TTC28: variants seen among roughly 807,000 people sequenced by gnomAD.
TTC28 encodes tetratricopeptide repeat protein 28.
TTC28 carries 61 observed loss-of-function variants against 198.0 expected under a neutral mutation model. The ratio of observed to expected loss-of-function variants is 0.31; its 90% CI spans 0.25 to 0.38. The LOEUF (loss-of-function observed/expected upper bound fraction) is 0.38. Among genes scored for constraint, TTC28 ranks in the 10% least tolerant of loss-of-function variants. TTC28 has a pLI of 1.00. For missense variants in TTC28, 2,678 were observed against 3,164.0 expected (o/e 0.85, Z 3.69); for synonymous variants, 1,171 against 1,297.8 (o/e 0.90, Z 2.10).
chr22:28,672,893 T>C (rs1245447865), intron 1 of TTC28, among the ~76,000 whole-genome samples: 1 of 152,236 alleles, frequency 6.6e-6, no homozygotes, highest in African/African-American at 2.4e-5. Context: ...ACATACCTTA[T>C]TTTACAAGAT....
At chr22:28,338,213 G>C (rs1218114614) in intron 2 of TTC28, among the ~76,000 whole-genome samples, 2 of 152,204 alleles carry the variant, frequency 1.3e-5, no homozygotes, top group Non-Finnish European at 2.9e-5. Context: ...GAGATCAGCT[G>C]TTAGTCTGAT....
intron 2 of TTC28, among the ~76,000 whole-genome samples, chr22:28,549,137 C>G (rs1455068280): frequency 6.6e-6 from 1 of 152,056 alleles, no homozygotes; most frequent in African/African-American, 2.4e-5. Context: ...AAGAAATTAT[C>G]CTGCCCCAGC....
chr22:28,170,906 G>A (rs1922608782), intron 5 of TTC28, among the ~76,000 whole-genome samples: 1 of 151,184 alleles, frequency 6.6e-6, no homozygotes, highest in African/African-American at 2.4e-5. Flanking sequence ...CTGCCTAGAA[G>A]CGCTTCTAAC....
intron 2 of TTC28, among the ~76,000 whole-genome samples, chr22:28,307,687 CAT>C (rs1487253608): frequency 1.3e-5 from 2 of 152,148 alleles, no homozygotes; most frequent in East Asian, 1.9e-4. Context: ...ATACAAATAA[CAT>C]ATAATTAACA....
chr22:28,178,221 G>A (rs956657682), intron 5 of TTC28, among the ~76,000 whole-genome samples: 2 of 151,670 alleles, frequency 1.3e-5, no homozygotes, highest in Admixed American at 6.6e-5. Context: ...TTGGGAGGCC[G>A]TGGTGGACAG....
At chr22:28,672,287 C>G (rs1242449674) in intron 1 of TTC28, among the ~76,000 whole-genome samples, 3 of 152,052 alleles carry the variant, frequency 2.0e-5, no homozygotes, top group Non-Finnish European at 4.4e-5. Flanking sequence ...TCTGCCTCAG[C>G]CTCTGGAGTA....
intron 6 of TTC28, among the ~76,000 whole-genome samples, chr22:28,162,586 T>C (rs1460145459): frequency 6.6e-6 from 1 of 152,242 alleles, no homozygotes; most frequent in East Asian, 1.9e-4. Context: ...CTCAGAATTC[T>C]AATCCTTACA....
At chr22:28,077,710 G>A (rs577564113) in intron 12 of TTC28, among the ~76,000 whole-genome samples, 19 of 152,088 alleles carry the variant, frequency 1.2e-4, no homozygotes, top group African/African-American at 3.6e-4. Flanking sequence ...TAACTTTCAC[G>A]GTAGAAAATT....
At chr22:28,144,143 A>T (rs933769476) in intron 6 of TTC28, among the ~76,000 whole-genome samples, 1 of 152,200 alleles carries the variant, frequency 6.6e-6, no homozygotes, top group East Asian at 1.9e-4. Flanking sequence ...TTTAATCCTC[A>T]CAAGAGCCAC....
chr22:28,540,648 C>G (rs1381218852), intron 2 of TTC28, among the ~76,000 whole-genome samples: 2 of 151,982 alleles, frequency 1.3e-5, no homozygotes, highest in Non-Finnish European at 2.9e-5. Context: ...CAAATTTTAC[C>G]AGAGCCAAAA....
chr22:28,404,992 G>A (rs897424345), intron 2 of TTC28, among the ~76,000 whole-genome samples: 2 of 151,762 alleles, frequency 1.3e-5, no homozygotes, highest in Non-Finnish European at 2.9e-5. Context: ...AGTGTGTGTT[G>A]TTGAGACAAG....
intron 5 of TTC28, among the ~76,000 whole-genome samples, chr22:28,288,812 C>CA (rs397953776): frequency 0.43 from 48,573 of 112,526 alleles, 9,495 homozygotes; most frequent in Middle Eastern, 0.58. Context: ...GACTCCGTTT[C>CA]AAAAAAAAAA....
intron 9 of TTC28, among the ~76,000 whole-genome samples, 183 bp from the exon 10 acceptor site, chr22:28,099,227 G>A (rs1051920559): frequency 2.6e-5 from 4 of 152,188 alleles, no homozygotes; most frequent in Admixed American, 6.5e-5. Flanking sequence ...AGAATAGGCC[G>A]AGGCAGACAT....
At chr22:28,391,009 C>T (rs2046709522) in intron 2 of TTC28, among the ~76,000 whole-genome samples, 1 of 152,092 alleles carries the variant, frequency 6.6e-6, no homozygotes. Flanking sequence ...TTAGCGCTTC[C>T]TTCAGGAGCT....
chr22:28,244,651 T>C (rs1929947843), intron 5 of TTC28, among the ~76,000 whole-genome samples: 2 of 152,238 alleles, frequency 1.3e-5, no homozygotes. Flanking sequence ...CCTCGAGTAC[T>C]AAACGGCTGC....
intron 1 of TTC28, among the ~76,000 whole-genome samples, chr22:28,647,982 TG>T (rs762932665): frequency 1.3e-4 from 20 of 151,898 alleles, no homozygotes; most frequent in Admixed American, 2.6e-4. Context: ...CCCAGCACTT[TG>T]GGAGGCCGAG....
chr22:28,211,341 T>C (rs1375870979), intron 5 of TTC28, among the ~76,000 whole-genome samples: 1 of 151,980 alleles, frequency 6.6e-6, no homozygotes, highest in Non-Finnish European at 1.5e-5. Flanking sequence ...GACTGGCAAA[T>C]TGGATAAAGA....
At chr22:28,662,558 C>T (rs1179085425) in intron 1 of TTC28, among the ~76,000 whole-genome samples, 2 of 152,178 alleles carry the variant, frequency 1.3e-5, no homozygotes, top group Admixed American at 6.5e-5. Context: ...TTAAACAGTA[C>T]TGACACAGAG....
At chr22:28,212,375 G>A (rs530323272) in intron 5 of TTC28, among the ~76,000 whole-genome samples, 5 of 148,528 alleles carry the variant, frequency 3.4e-5, no homozygotes, top group African/African-American at 7.3e-5. Flanking sequence ...TTGAGAGACC[G>A]CTAGCAAGAC....
Sources: gnomAD v4.1 joint callset for allele counts (sites outside exome capture counted in the v4.1 genomes callset) on GRCh38, gnomAD v4.1.1 for gene constraint, MANE v1.5 for transcripts, NCBI Gene and HGNC (gene_info 2026-07-23, HGNC 2026-07-21) for gene names.